GOLM2: variants seen among roughly 807,000 people sequenced by gnomAD.
GOLM2 encodes the protein golgi membrane protein 2.
GOLM2 carries 26 observed loss-of-function variants against 55.9 expected under a neutral mutation model. That is an observed-to-expected ratio of 0.47 (90% CI 0.34 to 0.65). GOLM2 has a LOEUF of 0.65. Among genes scored for constraint, GOLM2 ranks in the 30% least tolerant of loss-of-function variants. GOLM2 has a pLI of 0.01. For missense variants in GOLM2, 486 were observed against 531.8 expected, an observed-to-expected ratio of 0.91 and a Z score of 0.85; for synonymous variants, 165 against 194.6, an observed-to-expected ratio of 0.85 and a Z score of 1.27.
intron 9 of GOLM2, among the ~76,000 whole-genome samples, chr15:44,410,402 G>C (rs2079630154): frequency 1.3e-5 from 2 of 152,242 alleles, no homozygotes. Flanking sequence ...CTGCGCTCCA[G>C]CCTGGGCGAC....
rs1178967303 is a variant in GOLM2 at position 44,289,661 on chromosome 15, C to T, written c.327+305C>T. ...GTAGTAATCATCTGGCCTGTGTGGC[C>T]CCCTTACCTTCAAAGACACACAAAT... On this transcript the variant is annotated intron_variant, in intron 1 of 9. Coordinates refer to ENST00000299957, the MANE Select transcript of GOLM2 (RefSeq NM_138423.4). This position sits in a 1 kb window ranked among gnomAD's most constrained non-coding sequence, Gnocchi z 4.8. Among the ~76,000 whole-genome samples, 1 of 152,134 alleles carries T rather than the reference C, an allele frequency of 6.6e-6. No individual in the cohort carries two copies. Among genetic ancestry groups the T allele is most frequent in the Non-Finnish European group, 1.5e-5 (1 of 68,020 alleles).
At chr15:44,306,278 C>G (rs956706658) in intron 1 of GOLM2, among the ~76,000 whole-genome samples, 1 of 152,120 alleles carries the variant, frequency 6.6e-6, no homozygotes, top group Admixed American at 6.6e-5. Context: ...GCCACTTCCC[C>G]TTGCACCTTT....
At chr15:44,301,129 T>A (rs2078794437) in intron 1 of GOLM2, among the ~76,000 whole-genome samples, 2 of 152,180 alleles carry the variant, frequency 1.3e-5, no homozygotes, top group South Asian at 4.1e-4. Context: ...TCTCATTTGA[T>A]GATTAACAAA....
intron 9 of GOLM2, among the ~76,000 whole-genome samples, chr15:44,410,336 C>T (rs1316354968): frequency 3.3e-5 from 5 of 152,116 alleles, no homozygotes; most frequent in Admixed American, 6.5e-5. Flanking sequence ...GAGGCTGAGG[C>T]AGGAGAATGG....
chr15:44,358,293 G>T (rs904474730), intron 6 of GOLM2, among the ~76,000 whole-genome samples: 7 of 152,216 alleles, frequency 4.6e-5, no homozygotes, highest in African/African-American at 1.7e-4. Context: ...GGCGGAGGTT[G>T]CAGTGAGCCA....
rs766624637 is a variant in GOLM2 at position 44,402,970 on chromosome 15, G to A, written c.1156G>A (p.Val386Ile). The change falls in exon 9 of 10, where the codon GTA (valine) becomes ATA (isoleucine). Residue 386 changes from valine (V) to isoleucine (I), a missense_variant. Val to Ile is a conservative substitution (Grantham distance 29, BLOSUM62 3). Transcript: ENST00000299957. ...LADYNGDDGNVGEYEADKQAE... is the reference protein window; with the variant it reads ...LADYNGDDGNIGEYEADKQAE... ...GGATTATAATGGGGATGATGGTAAC[G>A]TAGGTGAGTATGAGGCAGACAAGCA... The A allele has an allele frequency of 6.8e-6, 11 of 1,613,894 alleles. No individual in the cohort carries two copies. The East Asian group carries it at 8.9e-5, about 13-fold the overall frequency.
chr15:44,335,604 G>C (rs2079051103), intron 4 of GOLM2, among the ~76,000 whole-genome samples: 1 of 152,098 alleles, frequency 6.6e-6, no homozygotes, highest in Non-Finnish European at 1.5e-5. Flanking sequence ...TGGCTGCTCA[G>C]GTTGTACCTC....
intron 1 of GOLM2, among the ~76,000 whole-genome samples, chr15:44,313,579 C>T (rs1055336600): frequency 6.6e-6 from 1 of 152,192 alleles, no homozygotes; most frequent in Non-Finnish European, 1.5e-5. Flanking sequence ...AAATCTGTAT[C>T]CTTTATCCAG....
chr15:44,338,161 T>C, intron 5 of GOLM2, 76 bp from the exon 6 acceptor site: 1 of 1,392,876 alleles, frequency 7.2e-7, no homozygotes, highest in Non-Finnish European at 1.0e-6. Context: ...TAGAAACTGA[T>C]TGTTACATTC....
At position 44,328,832 on chromosome 15, in the gene GOLM2, G is replaced by T. The variant is rs758253726; in HGVS notation, c.485+45G>T. 8 of 1,308,626 alleles carry T rather than the reference G, an allele frequency of 6.1e-6. No individual in the cohort carries two copies. The Admixed American group carries it at 1.7e-4, about 27-fold the overall frequency. The allele number at this position is 1,308,626 out of a possible 1,614,324, so 81.1% of individuals were successfully genotyped here. ...ATATGTTTATGAATCTAAAATATTT[G>T]TCCAGCTTTTGGACTCAGTTCATTT... On this transcript the variant is annotated intron_variant, in intron 3 of 9. Coordinates refer to ENST00000299957, the MANE Select transcript of GOLM2 (RefSeq NM_138423.4).
chr15:44,409,180 A>G (rs1008241728), intron 9 of GOLM2, among the ~76,000 whole-genome samples: 2 of 150,868 alleles, frequency 1.3e-5, no homozygotes, highest in African/African-American at 4.9e-5. Flanking sequence ...GCTACTCGGG[A>G]GGCTGAGGCA....
chr15:44,319,609 C>T (rs186445550), intron 1 of GOLM2, among the ~76,000 whole-genome samples: 1 of 152,008 alleles, frequency 6.6e-6, no homozygotes, highest in Admixed American at 6.6e-5. Context: ...GTTTTTGAGA[C>T]AGGGTCTCGC....
intron 1 of GOLM2, among the ~76,000 whole-genome samples, chr15:44,291,050 G>A (rs539742080): frequency 5.2e-4 from 78 of 150,764 alleles, no homozygotes; most frequent in Middle Eastern, 3.5e-3. Context: ...TGATCCGCCC[G>A]CCTCAGCCTC....
chr15:44,382,336 C>G (rs2079408998), intron 8 of GOLM2: 1 of 151,440 alleles, frequency 6.6e-6, no homozygotes, highest in South Asian at 2.1e-4. Flanking sequence ...GAGATGGAGT[C>G]TCACTCTGTC....
intron 1 of GOLM2, among the ~76,000 whole-genome samples, chr15:44,322,714 T>G (rs1017692323): frequency 1.3e-5 from 2 of 152,198 alleles, no homozygotes; most frequent in African/African-American, 4.8e-5. Context: ...TTATGTGATG[T>G]TCAGTTCAAA....
chr15:44,374,660 A>G (rs2079352485), intron 6 of GOLM2, among the ~76,000 whole-genome samples: 1 of 152,170 alleles, frequency 6.6e-6, no homozygotes, highest in African/African-American at 2.4e-5. Flanking sequence ...ACATCTTCAC[A>G]TGGCCGGAGA....
At chr15:44,295,014 C>A (rs1567018462) in intron 1 of GOLM2, among the ~76,000 whole-genome samples, 1 of 151,726 alleles carries the variant, frequency 6.6e-6, no homozygotes, top group Non-Finnish European at 1.5e-5. Context: ...TATTTGGTTT[C>A]TTTCACATTA....
intron 6 of GOLM2, among the ~76,000 whole-genome samples, chr15:44,372,943 T>C (rs955285431): frequency 1.2e-4 from 18 of 152,176 alleles, no homozygotes; most frequent in African/African-American, 3.4e-4. Context: ...GCTCAAATGA[T>C]TCCTCCTCAA....
At chr15:44,309,639 C>T (rs561887632) in intron 1 of GOLM2, among the ~76,000 whole-genome samples, 8 of 152,252 alleles carry the variant, frequency 5.3e-5, no homozygotes, top group African/African-American at 1.9e-4. Context: ...ACATTCTACT[C>T]CTTTACATAG....
Sources: allele counts gnomAD v4.1 joint callset (sites outside exome capture counted in the v4.1 genomes callset), GRCh38; gene constraint gnomAD v4.1.1; non-coding constraint Gnocchi (gnomAD v3.1); transcripts MANE v1.5; gene names NCBI Gene and HGNC (gene_info 2026-07-23, HGNC 2026-07-21).